CHRDL1: variants seen among roughly 807,000 people sequenced by gnomAD.
CHRDL1 encodes chordin like 1, also known as chordin-like protein 1.
In CHRDL1, 19 loss-of-function variants were observed where a neutral mutation model predicts 40.9. The ratio of observed to expected loss-of-function variants is 0.46; its 90% CI spans 0.32 to 0.68. The LOEUF is 0.68. Among genes scored for constraint, CHRDL1 ranks in the 30% least tolerant of loss-of-function variants. CHRDL1 has a pLI of 0.03. For synonymous variants in CHRDL1, 136 were observed against 123.4 expected (o/e 1.10, Z -0.68); for missense variants, 329 against 352.1 (o/e 0.93, Z 0.53).
At chrX:110,713,103 C>T (rs144565663) in intron 6 of CHRDL1, among the ~76,000 whole-genome samples, 1,609 of 110,833 alleles carry the variant, frequency 0.015, 24 homozygotes, top group African/African-American at 0.05. Context: ...GGATGTGGTG[C>T]GAGTTGAGGC....
chrX:110,769,353 G>A (rs1386086647), intron 2 of CHRDL1, among the ~76,000 whole-genome samples: 4 of 112,138 alleles, frequency 3.6e-5, no homozygotes, highest in Admixed American at 9.5e-5. Context: ...GATCAAAATT[G>A]AAGTAATAAA....
chrX:110,734,018 G>C (rs2071219301), intron 4 of CHRDL1, among the ~76,000 whole-genome samples: 1 of 109,093 alleles, frequency 9.2e-6, no homozygotes, highest in South Asian at 4.0e-4. Flanking sequence ...AATTTTAAGA[G>C]TCTGGTATTA....
At chrX:110,711,011 T>C (rs895075115) in intron 6 of CHRDL1, among the ~76,000 whole-genome samples, 1 of 111,588 alleles carries the variant, frequency 9.0e-6, no homozygotes, top group Non-Finnish European at 1.9e-5. Flanking sequence ...TGTTTGCATA[T>C]AACTTACACA....
intron 6 of CHRDL1, among the ~76,000 whole-genome samples, chrX:110,716,207 C>T (rs576510329): frequency 6.3e-5 from 7 of 111,454 alleles, no homozygotes; most frequent in African/African-American, 1.6e-4. Flanking sequence ...TTCCTATTGA[C>T]GAGGAATCAA....
At chrX:110,684,284 A>G (rs2069960016) in intron 9 of CHRDL1, among the ~76,000 whole-genome samples, 1 of 112,319 alleles carries the variant, frequency 8.9e-6, no homozygotes, top group Admixed American at 9.4e-5. Flanking sequence ...TGGCTGGATT[A>G]TCAGTGAATT....
intron 4 of CHRDL1, among the ~76,000 whole-genome samples, chrX:110,757,332 A>T (rs1214762228): frequency 9.0e-6 from 1 of 110,864 alleles, no homozygotes; most frequent in Non-Finnish European, 1.9e-5. Context: ...AAACTTACAC[A>T]TCTCATTGTG....
chrX:110,764,610 C>T (rs1159434377), intron 2 of CHRDL1, among the ~76,000 whole-genome samples: 1 of 111,731 alleles, frequency 9.0e-6, no homozygotes, highest in East Asian at 2.8e-4. Flanking sequence ...AACAGAATAA[C>T]AGCAATTTTA....
rs374507186 is a variant in CHRDL1 at position 110,765,266 on chromosome X, G to A, written c.95-2459C>T. On this transcript the variant is annotated intron_variant, in intron 2 of 11. Coordinates refer to ENST00000372042, the MANE Select transcript of CHRDL1 (RefSeq NM_001143981.2). ...ACCGATATGTGATTTCACCCCCAGCGGCCCAGCTGTAAAATTCCTCTCTTT... is the reference window on the plus strand; with the variant it reads ...ACCGATATGTGATTTCACCCCCAGCAGCCCAGCTGTAAAATTCCTCTCTTT... Among the ~76,000 whole-genome samples the A allele has an allele frequency of 2.4e-4, 27 of 111,449 alleles. No individual in the cohort carries two copies. The East Asian group carries it at 2.6e-3, about 11-fold the overall frequency.
At chrX:110,732,471 G>C (rs1239676559) in intron 4 of CHRDL1, among the ~76,000 whole-genome samples, 2 of 112,032 alleles carry the variant, frequency 1.8e-5, no homozygotes, top group East Asian at 5.6e-4. Flanking sequence ...AGAAGGTGCC[G>C]AGTGAGAGGA....
intron 4 of CHRDL1, among the ~76,000 whole-genome samples, chrX:110,724,082 A>C (rs909740894): frequency 3.8e-5 from 4 of 105,832 alleles, no homozygotes; most frequent in African/African-American, 1.0e-4. Context: ...CCTGGGCTCT[A>C]ATTATTCCAA....
chrX:110,743,348 G>A (rs1206661025), intron 4 of CHRDL1, among the ~76,000 whole-genome samples: 1 of 112,150 alleles, frequency 8.9e-6, no homozygotes, highest in Non-Finnish European at 1.9e-5. Context: ...CTTGCTCTGG[G>A]AGCTGAGCAG....
chrX:110,795,184 G>A (rs1473396322), intron 1 of CHRDL1, among the ~76,000 whole-genome samples: 1 of 111,681 alleles, frequency 9.0e-6, no homozygotes, highest in Non-Finnish European at 1.9e-5. Context: ...GGCAGGGCTG[G>A]GAGGGACTGG....
intron 6 of CHRDL1, among the ~76,000 whole-genome samples, chrX:110,716,467 A>C (rs143889932): frequency 1.8e-5 from 2 of 111,216 alleles, no homozygotes; most frequent in African/African-American, 6.5e-5. Flanking sequence ...CATGGGCACA[A>C]ATAATAAAAA....
intron 2 of CHRDL1, among the ~76,000 whole-genome samples, chrX:110,769,736 C>A (rs932034466): frequency 3.6e-5 from 4 of 111,681 alleles, no homozygotes; most frequent in African/African-American, 1.3e-4. Flanking sequence ...ACCATCAGAT[C>A]TTGTAAGACT....
chrX:110,728,955 T>G (rs3005572), intron 4 of CHRDL1, among the ~76,000 whole-genome samples: 1 of 111,762 alleles, frequency 8.9e-6, no homozygotes. Flanking sequence ...GTCAACATGG[T>G]GAAACCCCGT....
chrX:110,678,695 CT>C (rs751615021), intron 11 of CHRDL1, among the ~76,000 whole-genome samples: 1 of 111,577 alleles, frequency 9.0e-6, no homozygotes, highest in South Asian at 3.8e-4. Flanking sequence ...TTTTCATGTT[CT>C]GTCTCATCCA....
chrX:110,763,893 A>G (rs970045053), intron 2 of CHRDL1, among the ~76,000 whole-genome samples: 18 of 111,490 alleles, frequency 1.6e-4, no homozygotes, highest in African/African-American at 5.9e-4. Context: ...TTTTTTGATT[A>G]TGGTCATTCT....
intron 8 of CHRDL1, 77 bp downstream of exon 8, chrX:110,694,086 T>A (rs1603141012): frequency 1.2e-6 from 1 of 833,985 alleles, no homozygotes; most frequent in East Asian, 3.2e-5. Flanking sequence ...AAGGGTCCTT[T>A]CCCAGCTCCA....
intron 3 of CHRDL1, among the ~76,000 whole-genome samples, chrX:110,760,326 C>T (rs2089540391): frequency 8.9e-6 from 1 of 112,152 alleles, no homozygotes; most frequent in African/African-American, 3.2e-5. Flanking sequence ...CTGGGTGGGG[C>T]GACTGGGTCC....
Sources: gnomAD v4.1 joint callset for allele counts (sites outside exome capture counted in the v4.1 genomes callset) on GRCh38, gnomAD v4.1.1 for gene constraint, MANE v1.5 for transcripts, NCBI Gene and HGNC (gene_info 2026-07-23, HGNC 2026-07-21) for gene names.